The following PWWP2B variants were observed in gnomAD, a reference collection of about 807,000 sequenced individuals.
The protein encoded by PWWP2B is PWWP domain containing 2B.
A neutral mutation model predicts 15.5 loss-of-function variants in PWWP2B; 9 were observed. The observed-to-expected ratio is 0.58, with a 90% confidence interval of 0.35 to 1.02. The LOEUF is 1.02. Among genes scored for constraint, PWWP2B ranks in the 50% least tolerant of loss-of-function variants. PWWP2B has a pLI of 0.02. For missense variants in PWWP2B, 864 were observed against 865.3 expected (o/e 1.00, Z 0.02); for synonymous variants, 474 against 403.6 (o/e 1.17, Z -2.09).
chr10:132,406,631 T>C (rs2069703046), intron 2 of PWWP2B, among the ~76,000 whole-genome samples: 1 of 152,190 alleles, frequency 6.6e-6, no homozygotes, highest in Non-Finnish European at 1.5e-5. Flanking sequence ...GTTTGACGGA[T>C]CCTGGGGAGG....
intron 1 of PWWP2B, among the ~76,000 whole-genome samples, chr10:132,401,933 C>G (rs1023631157): frequency 6.9e-6 from 1 of 145,284 alleles, no homozygotes; most frequent in Non-Finnish European, 1.5e-5. Context: ...TGTTCCCACC[C>G]TGTTCTGTTC....
In PWWP2B at chr10:132,402,188, T is replaced by C. The variant is rs556799283; in HGVS notation, c.126-2438T>C. On this transcript the variant is annotated intron_variant, in intron 1 of 2. Transcript: ENST00000305233. ...ACCCCTGGCCTGTGGCTGAAGATCCTGGGGCAAGGGATGGGGCTGGCTCCG... is the reference window on the plus strand; with the variant it reads ...ACCCCTGGCCTGTGGCTGAAGATCCCGGGGCAAGGGATGGGGCTGGCTCCG... Among the ~76,000 whole-genome samples the C allele has an allele frequency of 3.0e-3, 463 of 152,360 alleles. 1 individual carries two copies. The highest frequency in any genetic ancestry group is 0.011 in the African/African-American group (444 of 41,590).
At chr10:132,399,097 C>T (rs74359895) in intron 1 of PWWP2B, among the ~76,000 whole-genome samples, 5,391 of 149,300 alleles carry the variant, frequency 0.036, 121 homozygotes, top group Middle Eastern at 0.076. Context: ...CGGTTCTCTG[C>T]CCTTGTATTC....
chr10:132,405,554 G>A lies in PWWP2B; in HGVS notation c.1054G>A (p.Glu352Lys), dbSNP rs377048881. 13 of 1,605,796 alleles carry A rather than the reference G, an allele frequency of 8.1e-6. No homozygotes were observed. The highest frequency in any genetic ancestry group is 2.7e-5 in the African/African-American group (2 of 74,908). ...DSEHEPVYRA[E>K]LVGELNGYLR... is the part of the protein sequence containing the mutation. ...CGAGCACGAGCCCGTGTACCGGGCC[G>A]AGCTGGTGGGGGAGCTGAACGGGTA... The change falls in exon 2 of 3, where the codon GAG becomes AAG. Residue 352 changes from glutamate to lysine, a missense_variant. This residue lies in a region of PWWP2B where 736 missense variants were observed against 687.7 expected (regional missense o/e 1.07). Coordinates refer to ENST00000305233, the MANE Select transcript of PWWP2B (RefSeq NM_138499.4).
At chr10:132,399,208 T>C (rs2069581418) in intron 1 of PWWP2B, among the ~76,000 whole-genome samples, 1 of 152,226 alleles carries the variant, frequency 6.6e-6, no homozygotes, top group East Asian at 1.9e-4. Flanking sequence ...TGCCCGCCCT[T>C]ATCCCCTGCA....
Position 132,397,877 on chromosome 10 carries a change from G to A in PWWP2B, c.125+526G>A, listed in dbSNP as rs561979053. ...TTTAAGAACAGTTTCAGGCCAGGGA[G>A]CCCTGAGTCATGGGGGCGTGAAGAG... On this transcript the variant is annotated intron_variant, in intron 1 of 2. Transcript: ENST00000305233. Among the ~76,000 whole-genome samples the A allele has an allele frequency of 7.2e-5, 11 of 152,278 alleles. No homozygotes were observed. The East Asian group carries it at 1.7e-3, about 24-fold the overall frequency.
At chr10:132,412,816 T>A (rs1422375902) in intron 2 of PWWP2B, among the ~76,000 whole-genome samples, 1 of 152,256 alleles carries the variant, frequency 6.6e-6, no homozygotes, top group Admixed American at 6.5e-5. Context: ...CCCCAGCTCC[T>A]TCCAGCGTGG....
chr10:132,407,414 T>C (rs966390264), intron 2 of PWWP2B, among the ~76,000 whole-genome samples: 2 of 152,200 alleles, frequency 1.3e-5, no homozygotes, highest in Admixed American at 1.3e-4. Context: ...TCTGGTGACC[T>C]TGTCTTCCCT....
At chr10:132,398,109 G>A (rs2069562752) in intron 1 of PWWP2B, among the ~76,000 whole-genome samples, 1 of 152,254 alleles carries the variant, frequency 6.6e-6, no homozygotes, top group Non-Finnish European at 1.5e-5. Context: ...GAATCAGGCT[G>A]TGGCCTCGCT....
intron 2 of PWWP2B, among the ~76,000 whole-genome samples, chr10:132,413,360 T>C (rs1260239278): frequency 2.0e-5 from 3 of 152,174 alleles, no homozygotes; most frequent in African/African-American, 7.2e-5. Flanking sequence ...AAAAGGACCC[T>C]AGCACCTCCC....
intron 2 of PWWP2B, among the ~76,000 whole-genome samples, chr10:132,407,837 A>G (rs2069720567): frequency 6.6e-6 from 1 of 152,148 alleles, no homozygotes; most frequent in Non-Finnish European, 1.5e-5. Flanking sequence ...AAGCCAGGGC[A>G]CCATCTTCTG....
Position 132,404,910 on chromosome 10 carries a change from A to G in PWWP2B, c.410A>G (p.Lys137Arg). The change falls in exon 2 of 3, where the codon AAG (lysine) becomes AGG (arginine). Residue 137 changes from lysine (K) to arginine (R), a missense_variant. Physicochemically the swap from Lys to Arg is conservative, Grantham distance 26. This residue lies in a region of PWWP2B where 736 missense variants were observed against 687.7 expected (regional missense o/e 1.07). Transcript: ENST00000305233. ...PHPLWLRDTY[K>R]LWVPQPPPRT... ...CCGCTGTGGCTCCGGGACACGTACA[A>G]GCTGTGGGTGCCCCAGCCGCCGCCC... is the stretch of plus-strand genomic sequence containing the variant. 1 of 1,595,478 alleles carries G rather than the reference A, an allele frequency of 6.3e-7. No homozygotes were observed. The highest frequency in any genetic ancestry group is 8.5e-7 in the Non-Finnish European group (1 of 1,178,502).
At chr10:132,415,698 C>T (rs1193685486) in intron 2 of PWWP2B, among the ~76,000 whole-genome samples, 1 of 129,384 alleles carries the variant, frequency 7.7e-6, no homozygotes, top group African/African-American at 3.3e-5. Context: ...CACACATGCA[C>T]TCTCACACAC....
chr10:132,410,158 G>A (rs1363502400), intron 2 of PWWP2B, among the ~76,000 whole-genome samples: 1 of 152,220 alleles, frequency 6.6e-6, no homozygotes, highest in African/African-American at 2.4e-5. Flanking sequence ...GGGGGACGGG[G>A]AGGCTGGGCG....
At chr10:132,410,829 G>T (rs887968890) in intron 2 of PWWP2B, among the ~76,000 whole-genome samples, 1 of 152,198 alleles carries the variant, frequency 6.6e-6, no homozygotes, top group Non-Finnish European at 1.5e-5. Context: ...CTGGTGTCCC[G>T]GCCTCTTGGG....
rs765572138 is a variant in PWWP2B, at chr10:132,405,199, G to A, written c.699G>A (p.Lys233=). Residue 233 remains lysine (K), a synonymous_variant, in exon 2 of 3, where the codon AAG becomes AAA. Transcript: ENST00000305233. The part of the protein sequence containing the change: ...PTAAATARRS[K]RERREEDRAP... ...CTGCGGCCACCGCCAGGAGGAGCAA[G>A]AGGGAGAGGCGCGAGGAGGACAGGG... 6.3e-7 allele frequency: 1 copy of A among 1,578,852 alleles called. No homozygotes were observed. Among genetic ancestry groups the A allele is most frequent in the South Asian group, 1.1e-5 (1 of 87,146 alleles).
chr10:132,403,013 C>T (rs967529808), intron 1 of PWWP2B, among the ~76,000 whole-genome samples: 7 of 152,252 alleles, frequency 4.6e-5, no homozygotes, highest in South Asian at 2.1e-4. Context: ...CTCCCTTTCT[C>T]GCGAAAGTCT....
intron 2 of PWWP2B, among the ~76,000 whole-genome samples, chr10:132,406,638 G>A (rs2069703274): frequency 6.6e-6 from 1 of 152,244 alleles, no homozygotes; most frequent in Admixed American, 6.5e-5. Context: ...GGATCCTGGG[G>A]AGGGGAGAGC....
rs986781359 is a variant in PWWP2B, at chr10:132,404,698, T to C, written c.198T>C (p.His66=). The change falls in exon 2 of 3, where the codon CAT becomes CAC. Residue 66 remains histidine, a synonymous_variant. Transcript: ENST00000305233. ...QVDESPVNDS[H]GRAPEEGDAE... ...ATGAGTCCCCTGTCAACGACAGCCA[T>C]GGCCGGGCTCCCGAGGAGGGGGATG... 6 of 1,612,174 alleles carry C rather than the reference T, an allele frequency of 3.7e-6. No individual in the cohort carries two copies. The highest frequency in any genetic ancestry group is 1.7e-5 in the Admixed American group (1 of 59,966).
Sources: gnomAD v4.1 joint callset for allele counts (sites outside exome capture counted in the v4.1 genomes callset) on GRCh38, gnomAD v4.1.1 for gene constraint, gnomAD v4.1.1 regional missense constraint, MANE v1.5 for transcripts, NCBI Gene and HGNC (gene_info 2026-07-23, HGNC 2026-07-21) for gene names.